SAMD4A: variants seen among roughly 807,000 people sequenced by gnomAD.
The protein encoded by SAMD4A is protein Smaug homolog 1.
In SAMD4A, 33 loss-of-function variants were observed where a neutral mutation model predicts 81.3. The ratio of observed to expected loss-of-function variants is 0.41; its 90% CI spans 0.31 to 0.54. The LOEUF (loss-of-function observed/expected upper bound fraction) is 0.54, where lower values mean the gene tolerates loss of function less well. Among genes scored for constraint, SAMD4A ranks in the 20% least tolerant of loss-of-function variants. The pLI is 0.37. For missense variants in SAMD4A, 854 were observed against 951.1 expected, an observed-to-expected ratio of 0.90 and a Z score of 1.34; for synonymous variants, 389 against 382.1, an observed-to-expected ratio of 1.02 and a Z score of -0.21.
intron 2 of SAMD4A, among the ~76,000 whole-genome samples, chr14:54,691,969 T>A (rs2036454133): frequency 6.6e-6 from 1 of 152,256 alleles, no homozygotes; most frequent in African/African-American, 2.4e-5. Flanking sequence ...AAATGAGTGA[T>A]ACATACATTT....
intron 4 of SAMD4A, among the ~76,000 whole-genome samples, chr14:54,746,697 T>C (rs2037976523): frequency 6.6e-6 from 1 of 152,212 alleles, no homozygotes; most frequent in South Asian, 2.1e-4. Flanking sequence ...TTTGCATGGT[T>C]CAGCTGTAGG....
At chr14:54,725,941 G>A (rs1386761172) in intron 3 of SAMD4A, among the ~76,000 whole-genome samples, 1 of 152,170 alleles carries the variant, frequency 6.6e-6, no homozygotes, top group African/African-American at 2.4e-5. Context: ...TGTAGTTAGA[G>A]CATCTTAACC....
At position 54,702,477 on chromosome 14, in the gene SAMD4A, C is replaced by G; in HGVS notation, c.612C>G (p.Asn204Lys). The change falls in exon 3 of 13, where the codon AAC becomes AAG. Residue 204 changes from asparagine (N) to lysine (K), a missense_variant. Transcript: ENST00000554335. ...RDSGICINAS[N>K]WQDKSMGCEN... is the part of the protein sequence containing the mutation. ...CTGGGATTTGCATCAATGCCTCCAA[C>G]TGGCAGGACAAAAGCATGGGGTGTG... is the stretch of plus-strand genomic sequence containing the variant. The G allele has an allele frequency of 6.2e-7, 1 of 1,614,208 alleles. No homozygotes were observed.
At position 54,784,308 on chromosome 14, in the gene SAMD4A, A is replaced by ACCAGCTATT. The variant is rs951241336; in HGVS notation, c.2045-228_2045-220dup. On this transcript the variant is annotated intron_variant, in intron 11 of 12. Coordinates refer to ENST00000554335, the MANE Select transcript of SAMD4A (RefSeq NM_015589.6). ...CAGAGGAGGCACAGACTGTGACATG[A>ACCAGCTATT]CCAGCTATTTTTAGTCTCCGTTTTG... is the stretch of plus-strand genomic sequence containing the variant. 3 of 1,507,100 alleles carry ACCAGCTATT rather than the reference A, an allele frequency of 2.0e-6. No individual in the cohort carries two copies. In the African/African-American group the frequency reaches 4.2e-5, roughly 21 times the overall value. The allele number at this position is 1,507,100 out of a possible 1,614,324, so 93.4% of individuals were successfully genotyped here. A position where few individuals can be genotyped will look rare whatever the true frequency, so the allele number is the denominator to read the frequency against.
Position 54,792,906 on chromosome 14 carries a change from AC to A in SAMD4A, c.*3963del, listed in dbSNP as rs1371864393. The A allele has an allele frequency of 1.3e-5, 2 of 152,202 alleles. No homozygotes were observed. The highest frequency in any genetic ancestry group is 2.9e-5 in the Non-Finnish European group (2 of 68,042). The allele number at this position is 152,202 out of a possible 1,614,324, so 9.4% of individuals were successfully genotyped here. A position where few individuals can be genotyped will look rare whatever the true frequency, so the allele number is the denominator to read the frequency against. On this transcript the variant is annotated 3_prime_UTR_variant, in exon 13 of 13. Transcript: ENST00000554335. ...ATGTATTTATGCCTAATGTAAGCTG[AC>A]TTTTAAAAAGCTTTCTTTTGTTGCA... is the stretch of plus-strand genomic sequence containing the variant.
intron 3 of SAMD4A, among the ~76,000 whole-genome samples, chr14:54,706,340 C>T (rs1292899123): frequency 2.0e-5 from 3 of 146,990 alleles, no homozygotes; most frequent in Non-Finnish European, 3.0e-5. Flanking sequence ...ATTGGTGGCT[C>T]ACACCTGTAA....
In SAMD4A at chr14:54,760,388, C is replaced by CG. The variant is rs762782480; in HGVS notation, c.1410dup (p.Leu471AlafsTer44). On this transcript the variant is annotated frameshift_variant, in exon 7 of 13. Coordinates refer to ENST00000554335, the MANE Select transcript of SAMD4A (RefSeq NM_015589.6). LOFTEE classifies it high-confidence loss of function. ...CGGCCACCCCCTCGGCCGGGGCCAG[C>CG]GGGGGGCTCCAGCCGCACCAGCTGA... 1 of 1,504,926 alleles carries CG rather than the reference C, an allele frequency of 6.6e-7. No individual in the cohort carries two copies. The highest frequency in any genetic ancestry group is 8.8e-7 in the Non-Finnish European group (1 of 1,138,828). 93.2% of individuals were successfully genotyped at this position (1,504,926 alleles called of 1,614,324 possible).
At chr14:54,686,815 G>A (rs747842203) in intron 2 of SAMD4A, among the ~76,000 whole-genome samples, 3 of 152,218 alleles carry the variant, frequency 2.0e-5, no homozygotes, top group Non-Finnish European at 2.9e-5. Flanking sequence ...ATGGGGGACA[G>A]TTGGGGCCCT....
intron 2 of SAMD4A, among the ~76,000 whole-genome samples, chr14:54,654,364 A>T (rs1163538886): frequency 2.9e-4 from 44 of 152,310 alleles, no homozygotes; most frequent in Non-Finnish European, 2.9e-5. Flanking sequence ...CAGCAGCAGC[A>T]CAGGGTACAT....
chr14:54,592,409 A>G (rs541553472), intron 2 of SAMD4A, among the ~76,000 whole-genome samples: 1 of 152,112 alleles, frequency 6.6e-6, no homozygotes, highest in Admixed American at 6.5e-5. Flanking sequence ...TTTCCTGTCT[A>G]TCATTTTGCT....
At chr14:54,734,447 C>G (rs1433786403) in intron 3 of SAMD4A, among the ~76,000 whole-genome samples, 1 of 152,178 alleles carries the variant, frequency 6.6e-6, no homozygotes, top group Non-Finnish European at 1.5e-5. Flanking sequence ...AGAAAGTCAT[C>G]AGGAAAAGAC....
intron 3 of SAMD4A, among the ~76,000 whole-genome samples, chr14:54,710,983 A>G (rs1421660206): frequency 6.6e-6 from 1 of 152,180 alleles, no homozygotes; most frequent in African/African-American, 2.4e-5. Context: ...CTAAGCCCAG[A>G]TGTGGCCTCT....
At position 54,619,698 on chromosome 14, in the gene SAMD4A, G is replaced by A. The variant is rs1229289385; in HGVS notation, c.196+51586G>A. Among the ~76,000 whole-genome samples the A allele has an allele frequency of 2.0e-5, 3 of 152,090 alleles. No individual in the cohort carries two copies. The South Asian group carries it at 6.2e-4, about 32-fold the overall frequency. On this transcript the variant is annotated intron_variant, in intron 2 of 12. Coordinates refer to ENST00000554335, the MANE Select transcript of SAMD4A (RefSeq NM_015589.6). ...GTTGTTCCCCTCTATGTGTCCAAGT[G>A]TTCTCATCATGTAGCTCCCACTGGT...
chr14:54,693,535 T>C (rs2036503842), intron 2 of SAMD4A: 1 of 152,130 alleles, frequency 6.6e-6, no homozygotes, highest in African/African-American at 2.4e-5. Context: ...ATACAAAAAT[T>C]AGCCAGATGT....
At chr14:54,763,720 C>G (rs542520861) in intron 7 of SAMD4A, among the ~76,000 whole-genome samples, 1 of 152,110 alleles carries the variant, frequency 6.6e-6, no homozygotes. Flanking sequence ...CACTGTGGCC[C>G]TGTACACATG....
At chr14:54,744,485 C>G (rs1007737020) in intron 4 of SAMD4A, among the ~76,000 whole-genome samples, 1 of 152,146 alleles carries the variant, frequency 6.6e-6, no homozygotes. Flanking sequence ...CTGGTAAAGA[C>G]CAGCAGGCAA....
intron 2 of SAMD4A, among the ~76,000 whole-genome samples, 196 bp downstream of exon 2, chr14:54,568,308 G>A (rs1234247296): frequency 6.7e-6 from 1 of 148,440 alleles, no homozygotes; most frequent in East Asian, 2.0e-4. Context: ...TACCTCCGCC[G>A]GCCGCTTTGG....
chr14:54,645,785 T>A (rs1039411925), intron 2 of SAMD4A, among the ~76,000 whole-genome samples: 1 of 152,216 alleles, frequency 6.6e-6, no homozygotes, highest in African/African-American at 2.4e-5. Context: ...CCAGAATACT[T>A]CTCTGTTTCC....
intron 2 of SAMD4A, among the ~76,000 whole-genome samples, chr14:54,588,300 T>G (rs561983084): frequency 6.6e-6 from 1 of 152,294 alleles, no homozygotes; most frequent in Non-Finnish European, 1.5e-5. Flanking sequence ...TAATGGTCTA[T>G]CAATTTTATT....
Sources: allele counts gnomAD v4.1 joint callset (sites outside exome capture counted in the v4.1 genomes callset), GRCh38; gene constraint gnomAD v4.1.1; transcripts MANE v1.5; gene names NCBI Gene and HGNC (gene_info 2026-07-23, HGNC 2026-07-21).